Variants in KLHDC2 observed in about 807,000 individuals in gnomAD.
The protein encoded by KLHDC2 is kelch domain-containing protein 2.
In KLHDC2, 38 loss-of-function variants were observed where a neutral mutation model predicts 62.3. That is an observed-to-expected ratio of 0.61 (90% confidence interval 0.47 to 0.80). The LOEUF (loss-of-function observed/expected upper bound fraction) is 0.80. KLHDC2 is among the 30% of genes least tolerant of loss of function. KLHDC2 has a pLI of 0.00. For missense variants in KLHDC2, 430 were observed against 495.3 expected, an observed-to-expected ratio of 0.87 and a Z score of 1.25; for synonymous variants, 159 against 161.0, an observed-to-expected ratio of 0.99 and a Z score of 0.09.
In KLHDC2 at chr14:49,771,607, G is replaced by A; in HGVS notation, c.167G>A (p.Arg56Lys). 1.4e-6 allele frequency: 2 copies of A among 1,463,584 alleles called. No homozygotes were observed. Among genetic ancestry groups the A allele is most frequent in the South Asian group, 1.1e-5 (1 of 87,460 alleles). 90.7% of individuals were successfully genotyped at this position (1,463,584 alleles called of 1,614,324 possible). A position where few individuals can be genotyped will look rare whatever the true frequency, so the allele number is the denominator to read the frequency against. ...VWGGYKSNQV[R>K]GLYDFYLPRE... is the part of the protein sequence containing the mutation. ...TTTTATTCTTAGAGTAATCAAGTCAGAGGATTATATGACTTTTATCTGCCT... is the reference window on the plus strand; with the variant it reads ...TTTTATTCTTAGAGTAATCAAGTCAAAGGATTATATGACTTTTATCTGCCT... Residue 56 changes from arginine (R) to lysine (K), a missense_variant, in exon 2 of 13, where the codon AGA (arginine) becomes AAA (lysine). By Grantham distance (26) the Arg-to-Lys change is conservative (BLOSUM62 2). Transcript: ENST00000298307.
Position 49,777,427 on chromosome 14 carries a change from A to T in KLHDC2, c.352-412A>T, listed in dbSNP as rs938377832. Among the ~76,000 whole-genome samples, 4 of 152,152 alleles carry T rather than the reference A, an allele frequency of 2.6e-5. No individual in the cohort carries two copies. In the East Asian group the frequency reaches 7.7e-4, roughly 29 times the overall value. On this transcript the variant is annotated intron_variant, in intron 3 of 12. Transcript: ENST00000298307. Reference sequence around the variant, plus strand: ...AAAAATAAAAAAATAAAAATGGGAAAAGAAAATGTACGGCTGTCTTAGCCA... The same window carrying T: ...AAAAATAAAAAAATAAAAATGGGAATAGAAAATGTACGGCTGTCTTAGCCA...
At chr14:49,770,545 AAGTGGCT>A (rs1487919231) in intron 1 of KLHDC2, among the ~76,000 whole-genome samples, 1 of 152,208 alleles carries the variant, frequency 6.6e-6, no homozygotes, top group Non-Finnish European at 1.5e-5. Flanking sequence ...ATTGTTCAGA[AAGTGGCT>A]AGGGAGGGTC....
At position 49,779,338 on chromosome 14, in the gene KLHDC2, C is replaced by T. The variant is rs577694134; in HGVS notation, c.634-257C>T. Among the ~76,000 whole-genome samples, 4 of 152,132 alleles carry T rather than the reference C, an allele frequency of 2.6e-5. No homozygotes were observed. The South Asian group carries it at 8.3e-4, about 32-fold the overall frequency. ...TTGACGCAGATATTATATAATATGCCAGCCTTTATTTTAAAAGAGAAAAAA... is the reference window on the plus strand; with the variant it reads ...TTGACGCAGATATTATATAATATGCTAGCCTTTATTTTAAAAGAGAAAAAA... On this transcript the variant is annotated intron_variant, in intron 6 of 12. Transcript: ENST00000298307.
chr14:49,785,390 A>C lies in KLHDC2; in HGVS notation c.*2437A>C. The stretch of plus-strand genomic sequence containing the variant: ...TTTACAAAAAATGCTAAAACACTTG[A>C]ATTAGTATCTCAACATATTTTTTAT... On this transcript the variant is annotated 3_prime_UTR_variant, in exon 13 of 13. Transcript: ENST00000298307. 1.0e-6 allele frequency: 1 copy of C among 973,914 alleles called. No homozygotes were observed. Among genetic ancestry groups the C allele is most frequent in the Non-Finnish European group, 1.7e-6 (1 of 600,134 alleles). The allele number at this position is 973,914 out of a possible 1,614,324, so 60.3% of individuals were successfully genotyped here. A position where few individuals can be genotyped will look rare whatever the true frequency, so the allele number is the denominator to read the frequency against.
At position 49,782,184 on chromosome 14, in the gene KLHDC2, C is replaced by T. The variant is rs1889934893; in HGVS notation, c.957-186C>T. ...AACGACCAGAGAGAGAAAATAATAT[C>T]CAGATAAAATAGATATTGATTGATC... On this transcript the variant is annotated intron_variant, in intron 10 of 12. Transcript: ENST00000298307. 6 of 523,078 alleles carry T rather than the reference C, an allele frequency of 1.1e-5. No individual in the cohort carries two copies. In the South Asian group the frequency reaches 1.8e-4, roughly 16 times the overall value. The allele number at this position is 523,078 out of a possible 1,614,324, so 32.4% of individuals were successfully genotyped here. A position where few individuals can be genotyped will look rare whatever the true frequency, so the allele number is the denominator to read the frequency against.
chr14:49,768,462 C>T lies in KLHDC2; in HGVS notation c.-7C>T, dbSNP rs1253937434. ...GCATTGTTGGTTAGCAAAAGTGCAGCCTCAAGATGGCTGATGGCAACGAGG... is the reference window on the plus strand; with the variant it reads ...GCATTGTTGGTTAGCAAAAGTGCAGTCTCAAGATGGCTGATGGCAACGAGG... On this transcript the variant is annotated 5_prime_UTR_variant, in exon 1 of 13. Transcript: ENST00000298307. 4.9e-5 allele frequency: 79 copies of T among 1,608,036 alleles called. No homozygotes were observed. Among genetic ancestry groups the T allele is most frequent in the Non-Finnish European group, 6.5e-5 (76 of 1,177,944 alleles).
Position 49,780,319 on chromosome 14 carries a change from C to CTAAG in KLHDC2, c.883+3_883+6dup. 12 of 1,545,838 alleles carry CTAAG rather than the reference C, an allele frequency of 7.8e-6. No homozygotes were observed. The East Asian group carries it at 2.2e-4, about 29-fold the overall frequency. ...AGGATTTACCACTGATAAACAGCCA[C>CTAAG]TAAGTAAGTCCTTGAAAAATATGAT... On this transcript the variant is annotated frameshift_variant, in exon 9 of 13. Coordinates refer to ENST00000298307, the MANE Select transcript of KLHDC2 (RefSeq NM_014315.3). LOFTEE classifies it high-confidence loss of function.
At chr14:49,778,086 T>A (rs1594702890) in intron 4 of KLHDC2, 92 bp from the exon 5 acceptor site, 1 of 949,570 alleles carries the variant, frequency 1.1e-6, no homozygotes, top group African/African-American at 1.6e-5. Context: ...AATTAATACA[T>A]GAAAGCATTT....
rs1194443530 is a variant in KLHDC2, at chr14:49,784,604, C to G, written c.*1651C>G. 1 of 1,492,566 alleles carries G rather than the reference C, an allele frequency of 6.7e-7. No homozygotes were observed. Among genetic ancestry groups the G allele is most frequent in the Admixed American group, 1.8e-5 (1 of 56,292 alleles). 92.5% of individuals were successfully genotyped at this position (1,492,566 alleles called of 1,614,324 possible). ...AACTTCCAAAAGGCTATAAAATTGG[C>G]TCTTCTCAAATATTTTAGAATTTCA... On this transcript the variant is annotated 3_prime_UTR_variant, in exon 13 of 13. Transcript: ENST00000298307.
rs1380945439 is a variant in KLHDC2, at chr14:49,785,222, G to A, written c.*2269G>A. The A allele has an allele frequency of 6.2e-7, 1 of 1,611,840 alleles. No individual in the cohort carries two copies. The highest frequency in any genetic ancestry group is 8.5e-7 in the Non-Finnish European group (1 of 1,177,952). ...TCTGTCAACTAATGGTAACTTACTTGTAGTTTGTCATGGTGGTGTAAGGGG... is the reference window on the plus strand; with the variant it reads ...TCTGTCAACTAATGGTAACTTACTTATAGTTTGTCATGGTGGTGTAAGGGG... On this transcript the variant is annotated 3_prime_UTR_variant, in exon 13 of 13. Transcript: ENST00000298307.
In KLHDC2 at chr14:49,771,470, T is replaced by C. The variant is rs532968307; in HGVS notation, c.154-124T>C. On this transcript the variant is annotated intron_variant, in intron 1 of 12. Transcript: ENST00000298307. ...GTGTGTGGCATGGGTGGGGGAGGAT[T>C]GTGCACTGTAATACCTATTTTTCAT... 89 of 563,196 alleles carry C rather than the reference T, an allele frequency of 1.6e-4. 1 individual carries two copies. In the African/African-American group the frequency reaches 1.7e-3, roughly 11 times the overall value. 34.9% of individuals were successfully genotyped at this position (563,196 alleles called of 1,614,324 possible).
At chr14:49,771,564 T>G in intron 1 of KLHDC2, 30 bp from the exon 2 acceptor site, 12 of 973,824 alleles carry the variant, frequency 1.2e-5, no homozygotes, top group Non-Finnish European at 1.8e-5. Context: ...AAATACCAGT[T>G]TTTATATTTA....
intron 10 of KLHDC2, among the ~76,000 whole-genome samples, 173 bp downstream of exon 10, chr14:49,780,948 G>A (rs1344533544): frequency 5.3e-5 from 8 of 152,150 alleles, no homozygotes; most frequent in African/African-American, 9.7e-5. Flanking sequence ...TCTCCTTTCC[G>A]TCATCTGTGC....
Position 49,783,111 on chromosome 14 carries a change from A to G in KLHDC2, c.*158A>G. 5.1e-6 allele frequency: 3 copies of G among 586,828 alleles called. No homozygotes were observed. Among genetic ancestry groups the G allele is most frequent in the Middle Eastern group, 4.4e-4 (1 of 2,286 alleles). The allele number at this position is 586,828 out of a possible 1,614,324, so 36.4% of individuals were successfully genotyped here. ...CCTAGAGAACCTATTTTTGTGTCTA[A>G]AGTTTACAATAAATGTATTTAACAC... is the stretch of plus-strand genomic sequence containing the variant. On this transcript the variant is annotated 3_prime_UTR_variant, in exon 13 of 13. Coordinates refer to ENST00000298307, the MANE Select transcript of KLHDC2 (RefSeq NM_014315.3).
At chr14:49,775,629 T>C (rs1594701100) in intron 3 of KLHDC2, among the ~76,000 whole-genome samples, 3 of 147,150 alleles carry the variant, frequency 2.0e-5, no homozygotes, top group African/African-American at 7.6e-5. Context: ...TTTTTTTTTT[T>C]TTTTTTTTTC....
intron 8 of KLHDC2, 101 bp from the exon 9 acceptor site, chr14:49,780,112 T>C: frequency 1.3e-6 from 1 of 759,510 alleles, no homozygotes; most frequent in South Asian, 1.7e-5. Flanking sequence ...AAACTTAAGG[T>C]CTCTTTTTTC....
chr14:49,773,691 C>G (rs1479476650), intron 2 of KLHDC2, among the ~76,000 whole-genome samples: 4 of 150,374 alleles, frequency 2.7e-5, no homozygotes, highest in Non-Finnish European at 5.9e-5. Context: ...ATTCTGTTGC[C>G]TCAGCCCCCT....
chr14:49,778,287 G>GC, intron 5 of KLHDC2, 28 bp downstream of exon 5: 1 of 1,452,534 alleles, frequency 6.9e-7, no homozygotes, highest in Non-Finnish European at 9.6e-7. Flanking sequence ...TTTGCATATG[G>GC]CCTCCTTAGT....
chr14:49,784,540 A>G lies in KLHDC2; in HGVS notation c.*1587A>G. On this transcript the variant is annotated 3_prime_UTR_variant, in exon 13 of 13. Coordinates refer to ENST00000298307, the MANE Select transcript of KLHDC2 (RefSeq NM_014315.3). ...GCAAGGCAATGTTTAGTTCATTTTT[A>G]TAATGCGGAAATCCTGATACATGGT... is the stretch of plus-strand genomic sequence containing the variant. The G allele has an allele frequency of 1.2e-6, 1 of 826,224 alleles. No homozygotes were observed. The highest frequency in any genetic ancestry group is 2.0e-6 in the Non-Finnish European group (1 of 511,098). 51.2% of individuals were successfully genotyped at this position (826,224 alleles called of 1,614,324 possible). A position where few individuals can be genotyped will look rare whatever the true frequency, so the allele number is the denominator to read the frequency against.
Sources: allele counts gnomAD v4.1 joint callset (sites outside exome capture counted in the v4.1 genomes callset), GRCh38; gene constraint gnomAD v4.1.1; transcripts MANE v1.5; gene names NCBI Gene and HGNC (gene_info 2026-07-23, HGNC 2026-07-21).